MAMDC2: variants seen among roughly 807,000 people sequenced by gnomAD.
MAMDC2 encodes MAM domain-containing protein 2.
A neutral mutation model predicts 89.8 loss-of-function variants in MAMDC2; 57 were observed. The observed-to-expected ratio is 0.63, with a 90% confidence interval of 0.51 to 0.79. The LOEUF is 0.79. Ranked by LOEUF, MAMDC2 falls within the 30% of genes least tolerant of loss-of-function variation. MAMDC2 has a pLI of 0.00. For missense variants in MAMDC2, 800 were observed against 820.6 expected, an observed-to-expected ratio of 0.97 and a Z score of 0.31; for synonymous variants, 313 against 293.4, an observed-to-expected ratio of 1.07 and a Z score of -0.68.
rs773450453 is a variant in MAMDC2 at position 70,126,116 on chromosome 9, AC to A, written c.644-38del. On this transcript the variant is annotated intron_variant, in intron 5 of 13. Coordinates refer to ENST00000377182, the MANE Select transcript of MAMDC2 (RefSeq NM_153267.5). ...TCGCCTGAACCTCTTCCCCTCCCCC[AC>A]CCCCAACTCTTAACACTGTGCTCTG... 3 of 1,155,344 alleles carry A rather than the reference AC, an allele frequency of 2.6e-6. No homozygotes were observed. The African/African-American group carries it at 5.8e-5, about 22-fold the overall frequency. The allele number at this position is 1,155,344 out of a possible 1,614,324, so 71.6% of individuals were successfully genotyped here.
At chr9:70,106,870 T>A (rs1490179627) in intron 2 of MAMDC2, among the ~76,000 whole-genome samples, 1 of 152,124 alleles carries the variant, frequency 6.6e-6, no homozygotes, top group Non-Finnish European at 1.5e-5. Context: ...AGGATGGCCG[T>A]CATCTGAGCT....
chr9:70,114,636 C>T (rs1054109001), intron 5 of MAMDC2, among the ~76,000 whole-genome samples: 5 of 152,052 alleles, frequency 3.3e-5, no homozygotes, highest in South Asian at 2.1e-4. Flanking sequence ...TTAAAACAAA[C>T]GCAACTTTAA....
chr9:70,221,380 T>TATATAGAGAGAGAGAGAGAGAGAGAGAG, intron 12 of MAMDC2, among the ~76,000 whole-genome samples: 3 of 7,044 alleles, frequency 4.3e-4, no homozygotes, highest in East Asian at 9.8e-3. Context: ...TATATATATA[T>TATATAGAGAGAGAGAGAGAGAGAGAGAG]AGAGAGAGAG....
Position 70,143,727 on chromosome 9 carries a change from G to A in MAMDC2, c.1312G>A (p.Val438Met). The A allele has an allele frequency of 1.9e-6, 3 of 1,614,184 alleles. No individual in the cohort carries two copies. The highest frequency in any genetic ancestry group is 2.2e-5 in the South Asian group (2 of 91,082). The change falls in exon 9 of 14, where the codon GTG (valine) becomes ATG (methionine). Residue 438 changes from valine (V) to methionine (M), a missense_variant. By Grantham distance (21) the Val-to-Met change is conservative. Transcript: ENST00000377182. ...LAVYIFEENHVVQEKIWSVLE... is the reference protein window; with the variant it reads ...LAVYIFEENHMVQEKIWSVLE... ...AGTTTACATCTTTGAAGAGAACCAT[G>A]TGGTTCAAGAGAAGATCTGGTCTGT... is the stretch of plus-strand genomic sequence containing the variant.
chr9:70,108,412 C>G lies in MAMDC2; in HGVS notation c.350C>G (p.Ser117Ter). Reference protein sequence around the residue: ...EDESFDRLLWSAKEPSDSWLI... With the variant: ...EDESFDRLLW ...GAAAGCTTTGATCGCTTGCTTTGGT[C>G]AGCTAAGGAACCTTCAGACAGCTGG... Residue 117 changes from serine (S) to a stop codon, truncating the protein, a stop_gained, in exon 3 of 14, where the codon TCA becomes TGA. Transcript: ENST00000377182. LOFTEE classifies it high-confidence loss of function. The G allele has an allele frequency of 1.2e-6, 2 of 1,614,030 alleles. No homozygotes were observed. The highest frequency in any genetic ancestry group is 4.5e-5 in the East Asian group (2 of 44,856).
chr9:70,176,084 T>C (rs1216628298), intron 11 of MAMDC2, among the ~76,000 whole-genome samples: 7 of 152,204 alleles, frequency 4.6e-5, no homozygotes. Flanking sequence ...GGGTTGAACA[T>C]TGAAGGAACA....
At position 70,113,149 on chromosome 9, in the gene MAMDC2, T is replaced by A. The variant is rs759845497; in HGVS notation, c.643+17T>A. The stretch of plus-strand genomic sequence containing the variant: ...GTGAACTGGGTGAGCTGGGATCAAA[T>A]AGAGTCCTTTTCCCAGGATAAATTT... On this transcript the variant is annotated intron_variant, in intron 5 of 13. Coordinates refer to ENST00000377182, the MANE Select transcript of MAMDC2 (RefSeq NM_153267.5). The A allele has an allele frequency of 1.1e-5, 18 of 1,613,190 alleles. No homozygotes were observed. The highest frequency in any genetic ancestry group is 1.4e-5 in the Non-Finnish European group (17 of 1,179,764).
intron 2 of MAMDC2, among the ~76,000 whole-genome samples, chr9:70,047,357 C>T (rs1826778423): frequency 6.6e-6 from 1 of 152,044 alleles, no homozygotes. Flanking sequence ...TCCCCTTGCG[C>T]CCCACCCCCA....
chr9:70,068,722 T>G (rs1322935461), intron 2 of MAMDC2, among the ~76,000 whole-genome samples: 1 of 34,768 alleles, frequency 2.9e-5, no homozygotes, highest in East Asian at 8.2e-4. Flanking sequence ...ACTCCCTCCA[T>G]CACAAAAAAA....
chr9:70,067,308 C>T (rs1827289528), intron 2 of MAMDC2, among the ~76,000 whole-genome samples: 1 of 152,122 alleles, frequency 6.6e-6, no homozygotes, highest in Non-Finnish European at 1.5e-5. Flanking sequence ...GAGTAATAAG[C>T]CCTTCAGTCC....
At chr9:70,185,074 C>G (rs2032722874) in intron 11 of MAMDC2, among the ~76,000 whole-genome samples, 1 of 152,076 alleles carries the variant, frequency 6.6e-6, no homozygotes, top group South Asian at 2.1e-4. Flanking sequence ...GTGTGGGGGT[C>G]CTTTGTGTTG....
chr9:70,106,973 A>T (rs1828358680), intron 2 of MAMDC2, among the ~76,000 whole-genome samples: 2 of 152,308 alleles, frequency 1.3e-5, no homozygotes, highest in East Asian at 3.9e-4. Context: ...GCTGAAGAAC[A>T]TCAAGCAAAA....
intron 2 of MAMDC2, among the ~76,000 whole-genome samples, chr9:70,071,404 T>A (rs1016004666): frequency 6.6e-6 from 1 of 152,180 alleles, no homozygotes; most frequent in Non-Finnish European, 1.5e-5. Flanking sequence ...GCATGAATCA[T>A]AAGTCTAGGG....
intron 11 of MAMDC2, chr9:70,217,749 T>G (rs996053331): frequency 9.4e-7 from 1 of 1,059,162 alleles, no homozygotes; most frequent in Non-Finnish European, 1.4e-6. Context: ...TAAAAAAAAG[T>G]GTCACAAAAA....
At chr9:70,045,733 T>G (rs1826733931) in intron 2 of MAMDC2, among the ~76,000 whole-genome samples, 1 of 152,136 alleles carries the variant, frequency 6.6e-6, no homozygotes, top group Non-Finnish European at 1.5e-5. Flanking sequence ...CCCTCACAGG[T>G]AGGTGATGTT....
chr9:70,154,934 C>T (rs192820385), intron 9 of MAMDC2, among the ~76,000 whole-genome samples: 1 of 152,186 alleles, frequency 6.6e-6, no homozygotes, highest in Non-Finnish European at 1.5e-5. Context: ...TCAAGTTTTA[C>T]CAGCCCCCAT....
At chr9:70,134,553 T>C (rs913684855) in intron 7 of MAMDC2, among the ~76,000 whole-genome samples, 1 of 152,064 alleles carries the variant, frequency 6.6e-6, no homozygotes, top group African/African-American at 2.4e-5. Context: ...TGGGCTTGGG[T>C]CCACCCCACA....
intron 8 of MAMDC2, among the ~76,000 whole-genome samples, chr9:70,143,051 A>G (rs753061381): frequency 6.6e-6 from 1 of 152,190 alleles, no homozygotes; most frequent in Non-Finnish European, 1.5e-5. Context: ...TTAACATTTG[A>G]CCAAGAGAGG....
chr9:70,065,719 T>C (rs1038537877), intron 2 of MAMDC2, among the ~76,000 whole-genome samples: 2 of 152,268 alleles, frequency 1.3e-5, no homozygotes, highest in African/African-American at 4.8e-5. Context: ...GGTTGAGACA[T>C]TGAGTGGAGT....
Sources: gnomAD v4.1 joint callset for allele counts (sites outside exome capture counted in the v4.1 genomes callset) on GRCh38, gnomAD v4.1.1 for gene constraint, MANE v1.5 for transcripts, NCBI Gene and HGNC (gene_info 2026-07-23, HGNC 2026-07-21) for gene names.